Variants in LCA5 observed in about 807,000 individuals in gnomAD.
LCA5 encodes lebercilin LCA5, also known as lebercilin.
In LCA5, 37 loss-of-function variants were observed where a neutral mutation model predicts 53.0. That is an observed-to-expected ratio of 0.70 (90% confidence interval 0.54 to 0.92). LCA5 has a LOEUF of 0.92. LCA5 is among the 40% of genes least tolerant of loss of function. The probability of loss-of-function intolerance (pLI) is 0.00; values close to 1 mark genes in which losing one functional copy is unlikely to be tolerated. For missense variants in LCA5, 806 were observed against 790.5 expected (o/e 1.02, Z -0.23); for synonymous variants, 303 against 282.9 (o/e 1.07, Z -0.71).
chr6:79,514,689 G>T (rs1016661965), intron 2 of LCA5, among the ~76,000 whole-genome samples: 2 of 152,122 alleles, frequency 1.3e-5, no homozygotes, highest in Non-Finnish European at 2.9e-5. Flanking sequence ...CCATAAGAAA[G>T]AATGAGATCA....
At chr6:79,497,562 A>T (rs1770015948) in intron 3 of LCA5, among the ~76,000 whole-genome samples, 1 of 152,224 alleles carries the variant, frequency 6.6e-6, no homozygotes, top group Non-Finnish European at 1.5e-5. Flanking sequence ...TGTGAATGTC[A>T]TAAATAAAAG....
At chr6:79,521,093 T>C (rs1252814621) in intron 1 of LCA5, among the ~76,000 whole-genome samples, 1 of 152,154 alleles carries the variant, frequency 6.6e-6, no homozygotes, top group Non-Finnish European at 1.5e-5. Flanking sequence ...TTTAATTTTA[T>C]TTAATTTTAA....
upstream of LCA5, among the ~76,000 whole-genome samples, chr6:79,538,018 G>GTTTTTTTT (rs869197362): frequency 2.9e-3 from 126 of 44,160 alleles, 36 homozygotes; most frequent in East Asian, 9.6e-3. Context: ...TTGCACACAA[G>GTTTTTTTT]TTTTTTTTTT....
intron 7 of LCA5, 175 bp from the exon 8 acceptor site, chr6:79,488,041 AT>A: frequency 1.7e-6 from 1 of 595,066 alleles, no homozygotes; most frequent in Non-Finnish European, 2.9e-6. Flanking sequence ...AGAATAATAT[AT>A]TTAATACGTA....
At chr6:79,509,793 T>C (rs1044158933) in intron 3 of LCA5, among the ~76,000 whole-genome samples, 2 of 152,126 alleles carry the variant, frequency 1.3e-5, no homozygotes, top group Non-Finnish European at 1.5e-5. Flanking sequence ...TAAGTATAAA[T>C]CTAAAACATA....
At chr6:79,530,508 A>C (rs1289144752) in intron 1 of LCA5, among the ~76,000 whole-genome samples, 1 of 152,176 alleles carries the variant, frequency 6.6e-6, no homozygotes, top group Non-Finnish European at 1.5e-5. Context: ...TGAACTTAAA[A>C]GTTTAAGAAA....
chr6:79,508,112 C>T (rs1412810042), intron 3 of LCA5, among the ~76,000 whole-genome samples: 1 of 152,146 alleles, frequency 6.6e-6, no homozygotes, highest in Non-Finnish European at 1.5e-5. Context: ...AGTAAGTATA[C>T]ACACTGAGGT....
intron 3 of LCA5, 92 bp from the exon 4 acceptor site, chr6:79,493,842 G>T: frequency 1.0e-6 from 1 of 989,568 alleles, no homozygotes. Context: ...GTTTTTAGTG[G>T]TATTGTCCAA....
chr6:79,537,452 C>G (rs1170749805), upstream of LCA5: 2 of 152,288 alleles, frequency 1.3e-5, no homozygotes, highest in Non-Finnish European at 1.5e-5. Context: ...AGACCGCAGC[C>G]AATCATGATG....
intron 1 of LCA5, among the ~76,000 whole-genome samples, chr6:79,536,704 C>A (rs889926271): frequency 6.6e-6 from 1 of 152,188 alleles, no homozygotes; most frequent in Non-Finnish European, 1.5e-5. Flanking sequence ...TATTATTATC[C>A]GAGAGCTACC....
intron 5 of LCA5, among the ~76,000 whole-genome samples, chr6:79,492,275 G>T (rs1453611343): frequency 1.3e-5 from 2 of 151,712 alleles, no homozygotes; most frequent in African/African-American, 4.8e-5. Flanking sequence ...CTACTTCGGG[G>T]TATATTTGCA....
intron 2 of LCA5, among the ~76,000 whole-genome samples, chr6:79,514,189 T>C (rs1477707300): frequency 6.6e-6 from 1 of 152,172 alleles, no homozygotes; most frequent in Non-Finnish European, 1.5e-5. Context: ...ATGTTTTCAA[T>C]TTGCATTTTT....
intron 6 of LCA5, 46 bp from the exon 7 acceptor site, chr6:79,489,262 G>C (rs1273677406): frequency 6.3e-7 from 1 of 1,588,600 alleles, no homozygotes; most frequent in Non-Finnish European, 8.6e-7. Context: ...TATAGAAAAG[G>C]GGGGGAACTA....
intron 3 of LCA5, among the ~76,000 whole-genome samples, 187 bp from the exon 4 acceptor site, chr6:79,493,937 G>A (rs889709625): frequency 6.6e-6 from 1 of 152,174 alleles, no homozygotes. Context: ...TATCAAGCCT[G>A]TTATTCCTAT....
chr6:79,488,803 G>A, intron 7 of LCA5: 1 of 517,810 alleles, frequency 1.9e-6, no homozygotes, highest in Non-Finnish European at 3.4e-6. Context: ...TTTAGTAAGT[G>A]GCATCTGAAT....
intron 1 of LCA5, chr6:79,525,048 G>A (rs1374642467): frequency 2.0e-5 from 3 of 151,550 alleles, no homozygotes; most frequent in African/African-American, 7.3e-5. Context: ...ACTCTTTGTT[G>A]TTCCGATTTT....
chr6:79,530,714 A>G (rs1766933934), intron 1 of LCA5, among the ~76,000 whole-genome samples: 1 of 152,080 alleles, frequency 6.6e-6, no homozygotes, highest in Non-Finnish European at 1.5e-5. Flanking sequence ...TTCCTAGAGA[A>G]TGGAAACTTA....
chr6:79,499,567 A>T (rs1202907798), intron 3 of LCA5, among the ~76,000 whole-genome samples: 1 of 151,408 alleles, frequency 6.6e-6, no homozygotes, highest in Non-Finnish European at 1.5e-5. Flanking sequence ...TTTCATAAAA[A>T]ATATTAGAAG....
At chr6:79,518,098 T>C (rs1766496968) in intron 2 of LCA5, among the ~76,000 whole-genome samples, 1 of 152,202 alleles carries the variant, frequency 6.6e-6, no homozygotes, top group African/African-American at 2.4e-5. Context: ...ATTTGTAGAA[T>C]ATTACATAGT....
Sources: gnomAD v4.1 joint callset for allele counts (sites outside exome capture counted in the v4.1 genomes callset) on GRCh38, gnomAD v4.1.1 for gene constraint, MANE v1.5 for transcripts, NCBI Gene and HGNC (gene_info 2026-07-23, HGNC 2026-07-21) for gene names.